Variants in MEF2A observed in about 807,000 individuals in gnomAD.
The protein encoded by MEF2A is myocyte enhancer factor 2A, also known as myocyte-specific enhancer factor 2A.
Under a neutral mutation model 55.8 loss-of-function variants are expected in MEF2A, and 28 were observed. The observed-to-expected ratio is 0.50, with a 90% confidence interval of 0.37 to 0.69. The LOEUF (loss-of-function observed/expected upper bound fraction) is 0.69. Among genes scored for constraint, MEF2A ranks in the 30% least tolerant of loss-of-function variants. The probability of loss-of-function intolerance (pLI) is 0.00; values close to 1 mark genes in which losing one functional copy is unlikely to be tolerated. For missense variants in MEF2A, 528 were observed against 626.2 expected, an observed-to-expected ratio of 0.84 and a Z score of 1.67; for synonymous variants, 239 against 227.1, an observed-to-expected ratio of 1.05 and a Z score of -0.47.
At chr15:99,620,726 A>G (rs1328134036) in intron 2 of MEF2A, among the ~76,000 whole-genome samples, 1 of 152,052 alleles carries the variant, frequency 6.6e-6, no homozygotes, top group Non-Finnish European at 1.5e-5. Flanking sequence ...GTCAAATGGT[A>G]GTTCTGTTTT....
At chr15:99,645,300 T>C (rs202234178) in intron 3 of MEF2A, among the ~76,000 whole-genome samples, 1 of 152,186 alleles carries the variant, frequency 6.6e-6, no homozygotes, top group East Asian at 1.9e-4. Context: ...CTGTGGTGCT[T>C]CACCCTCTGT....
At chr15:99,695,440 G>T (rs2056293582) in intron 8 of MEF2A, among the ~76,000 whole-genome samples, 2 of 152,272 alleles carry the variant, frequency 1.3e-5, no homozygotes, top group South Asian at 4.1e-4. Context: ...AGAAATGGGA[G>T]AAAAGAAGAC....
chr15:99,716,245 G>C lies in MEF2A; in HGVS notation c.*3474G>C. 2 of 329,578 alleles carry C rather than the reference G, an allele frequency of 6.1e-6. No individual in the cohort carries two copies. Among genetic ancestry groups the C allele is most frequent in the Non-Finnish European group, 6.0e-6 (1 of 166,500 alleles). 20.4% of individuals were successfully genotyped at this position (329,578 alleles called of 1,614,324 possible). A position where few individuals can be genotyped will look rare whatever the true frequency, so the allele number is the denominator to read the frequency against. ...TAGTCAACAGTTCACACAAGAAGCTGTACACGGTTTGATCATGTAAAACCG... is the reference window on the plus strand; with the variant it reads ...TAGTCAACAGTTCACACAAGAAGCTCTACACGGTTTGATCATGTAAAACCG... On this transcript the variant is annotated 3_prime_UTR_variant, in exon 12 of 12. Coordinates refer to ENST00000557942, the MANE Select transcript of MEF2A (RefSeq NM_001319206.4).
chr15:99,661,098 G>GAGTGGCAGAAC (rs1267236599), intron 4 of MEF2A, among the ~76,000 whole-genome samples: 17 of 152,158 alleles, frequency 1.1e-4, no homozygotes, highest in Non-Finnish European at 1.8e-4. Flanking sequence ...TGCATATTTA[G>GAGTGGCAGAAC]ATACTTAATA....
intron 3 of MEF2A, among the ~76,000 whole-genome samples, chr15:99,639,014 C>G (rs1183810730): frequency 6.6e-6 from 1 of 152,024 alleles, no homozygotes; most frequent in Non-Finnish European, 1.5e-5. Flanking sequence ...TCCCTCTAAC[C>G]TAAAAGCAGA....
At chr15:99,649,529 A>C (rs2046502506) in intron 4 of MEF2A, among the ~76,000 whole-genome samples, 1 of 152,204 alleles carries the variant, frequency 6.6e-6, no homozygotes, top group Non-Finnish European at 1.5e-5. Context: ...AATAGGTGGC[A>C]GACTTTTGTT....
chr15:99,682,167 G>A (rs2153682461), intron 7 of MEF2A, among the ~76,000 whole-genome samples: 1 of 152,250 alleles, frequency 6.6e-6, no homozygotes, highest in Non-Finnish European at 1.5e-5. Context: ...GTACTTGCCA[G>A]CTACTTGAAT....
At chr15:99,693,243 A>G (rs2055832638) in intron 8 of MEF2A, among the ~76,000 whole-genome samples, 1 of 152,240 alleles carries the variant, frequency 6.6e-6, no homozygotes, top group Non-Finnish European at 1.5e-5. Flanking sequence ...AAGAAGAGTG[A>G]AAACAAGACA....
intron 2 of MEF2A, among the ~76,000 whole-genome samples, chr15:99,610,677 A>AT (rs888605250): frequency 5.9e-5 from 9 of 151,788 alleles, no homozygotes; most frequent in South Asian, 2.1e-4. Context: ...TTTAATTATT[A>AT]TTTTTTTTCA....
Position 99,675,458 on chromosome 15 carries a change from G to A in MEF2A, c.670G>A (p.Gly224Arg). 4 of 1,613,178 alleles carry A rather than the reference G, an allele frequency of 2.5e-6. No individual in the cohort carries two copies. The highest frequency in any genetic ancestry group is 3.4e-6 in the Non-Finnish European group (4 of 1,179,184). The part of the protein sequence containing the change: ...VPNGAGSSPV[G>R]NGFVNSRASP... ...AAATGGAGCTGGAAGCAGTCCAGTG[G>A]GTGAGTGAATTCCTACTCTTCTGTT... The change falls in exon 7 of 12, where the codon GGG (glycine) becomes AGG (arginine). Residue 224 changes from glycine to arginine, a missense_variant and splice_region_variant. Gly to Arg is a moderately radical substitution (Grantham distance 125). Transcript: ENST00000557942.
intron 3 of MEF2A, among the ~76,000 whole-genome samples, chr15:99,645,283 G>T (rs1308849917): frequency 6.6e-6 from 1 of 152,186 alleles, no homozygotes; most frequent in Non-Finnish European, 1.5e-5. Flanking sequence ...CTGATCAACT[G>T]TTCCTTCTGT....
intron 4 of MEF2A, among the ~76,000 whole-genome samples, chr15:99,662,792 T>C (rs1293583048): frequency 6.6e-6 from 1 of 152,218 alleles, no homozygotes; most frequent in African/African-American, 2.4e-5. Flanking sequence ...CCATGATTTC[T>C]TTATTTTACA....
At position 99,615,699 on chromosome 15, in the gene MEF2A, G is replaced by A. The variant is rs557611468; in HGVS notation, c.-143+17188G>A. Among the ~76,000 whole-genome samples the A allele has an allele frequency of 9.9e-5, 15 of 152,274 alleles. No homozygotes were observed. The East Asian group carries it at 2.1e-3, about 22-fold the overall frequency. On this transcript the variant is annotated intron_variant, in intron 2 of 11. Coordinates refer to ENST00000557942, the MANE Select transcript of MEF2A (RefSeq NM_001319206.4). Reference sequence around the variant, plus strand: ...CCTGTTAACCATGTTAACCACTACCGTATGCCACTTCTCTGTGAAATTTGA... The same window carrying A: ...CCTGTTAACCATGTTAACCACTACCATATGCCACTTCTCTGTGAAATTTGA...
chr15:99,613,053 A>AT (rs1488828983), intron 2 of MEF2A, among the ~76,000 whole-genome samples: 2 of 152,338 alleles, frequency 1.3e-5, no homozygotes, highest in South Asian at 2.1e-4. Context: ...GACTTGATTC[A>AT]TTTGTATGAT....
chr15:99,649,999 T>C (rs1284547049), intron 4 of MEF2A, among the ~76,000 whole-genome samples: 1 of 152,202 alleles, frequency 6.6e-6, no homozygotes, highest in Non-Finnish European at 1.5e-5. Context: ...TTCAGATTAT[T>C]GTGCTGTCAT....
intron 4 of MEF2A, among the ~76,000 whole-genome samples, chr15:99,670,099 G>A (rs1567386270): frequency 6.6e-6 from 1 of 152,000 alleles, no homozygotes; most frequent in African/African-American, 2.4e-5. Flanking sequence ...TTTTAAAAAA[G>A]AAGAAAGAAA....
At chr15:99,652,199 G>A (rs1320396523) in intron 4 of MEF2A, among the ~76,000 whole-genome samples, 1 of 152,158 alleles carries the variant, frequency 6.6e-6, no homozygotes, top group Non-Finnish European at 1.5e-5. Flanking sequence ...GGGGTTGGGG[G>A]TGGGAGGAAT....
At chr15:99,597,673 G>C (rs940173716) in intron 1 of MEF2A, among the ~76,000 whole-genome samples, 1 of 152,066 alleles carries the variant, frequency 6.6e-6, no homozygotes, top group Non-Finnish European at 1.5e-5. Context: ...TGGCTTGGGG[G>C]GCATCACGGA....
rs11635271 is a variant in MEF2A at position 99,713,423 on chromosome 15, T to G, written c.*652T>G. On this transcript the variant is annotated 3_prime_UTR_variant, in exon 12 of 12. Coordinates refer to ENST00000557942, the MANE Select transcript of MEF2A (RefSeq NM_001319206.4). ...ATCTTTAGCTAATAAAGAAAGAGAA[T>G]AGAAAACACGCATGAGATATTCAGA... 1,339 of 162,592 alleles carry G rather than the reference T, an allele frequency of 8.2e-3. 44 individuals carry two copies. In the East Asian group the frequency reaches 0.095, roughly 12 times the overall value. The allele number at this position is 162,592 out of a possible 1,614,324, so 10.1% of individuals were successfully genotyped here. A position where few individuals can be genotyped will look rare whatever the true frequency, so the allele number is the denominator to read the frequency against.
Sources: gnomAD v4.1 joint callset for allele counts (sites outside exome capture counted in the v4.1 genomes callset) on GRCh38, gnomAD v4.1.1 for gene constraint, MANE v1.5 for transcripts, NCBI Gene and HGNC (gene_info 2026-07-23, HGNC 2026-07-21) for gene names.